Variants in ZSCAN2 observed in about 807,000 individuals in gnomAD.
ZSCAN2 encodes zinc finger and SCAN domain-containing protein 2.
Under a neutral mutation model 47.8 loss-of-function variants are expected in ZSCAN2, and 26 were observed. That is an observed-to-expected ratio of 0.54 (90% CI 0.40 to 0.75). ZSCAN2 has a LOEUF of 0.75. ZSCAN2 is among the 30% of genes least tolerant of loss of function. ZSCAN2 has a pLI of 0.00. For missense variants in ZSCAN2, 732 were observed against 785.4 expected (o/e 0.93, Z 0.81); for synonymous variants, 305 against 288.7 (o/e 1.06, Z -0.57).
At chr15:84,617,856 C>T (rs974119549) in intron 2 of ZSCAN2, among the ~76,000 whole-genome samples, 1 of 152,106 alleles carries the variant, frequency 6.6e-6, no homozygotes, top group Non-Finnish European at 1.5e-5. Flanking sequence ...GGGAGCGTCA[C>T]CTGAGCCCAG....
At chr15:84,620,579 T>G in intron 2 of ZSCAN2, 23 bp from the exon 3 acceptor site, 1 of 1,570,662 alleles carries the variant, frequency 6.4e-7, no homozygotes, top group South Asian at 1.1e-5. Flanking sequence ...GTAGACATTG[T>G]ATGTTTTTCT....
intron 2 of ZSCAN2, among the ~76,000 whole-genome samples, chr15:84,615,187 C>A (rs1043738415): frequency 8.5e-5 from 13 of 152,156 alleles, no homozygotes; most frequent in Non-Finnish European, 1.6e-4. Flanking sequence ...AACTGCTGAC[C>A]TTGTGATCCG....
intron 2 of ZSCAN2, among the ~76,000 whole-genome samples, chr15:84,619,330 T>C (rs1245507003): frequency 6.6e-6 from 1 of 151,458 alleles, no homozygotes; most frequent in Non-Finnish European, 1.5e-5. Context: ...CTCGGGAGGC[T>C]GAGGCAAGAG....
In ZSCAN2 at chr15:84,621,787, A is replaced by G. The variant is rs1204424455; in HGVS notation, c.1592A>G (p.Lys531Arg). Reference sequence around the variant, plus strand: ...ACCCACACGGGCGAGAAGCCCTACAAATGCCTCATGTGCGGCAAGAGCTTC... The same window carrying G: ...ACCCACACGGGCGAGAAGCCCTACAGATGCCTCATGTGCGGCAAGAGCTTC... ...QRTHTGEKPY[K>R]CLMCGKSFSR... Residue 531 changes from lysine to arginine, a missense_variant, in exon 3 of 3, where the codon AAA (lysine) becomes AGA (arginine). Coordinates refer to ENST00000546148, the MANE Select transcript of ZSCAN2 (RefSeq NM_181877.4). This position sits in a 1 kb window ranked among gnomAD's most constrained non-coding sequence, Gnocchi z 5.7. 1.2e-6 allele frequency: 2 copies of G among 1,614,194 alleles called. No individual in the cohort carries two copies. The highest frequency in any genetic ancestry group is 1.1e-5 in the South Asian group (1 of 91,080).
intron 2 of ZSCAN2, chr15:84,606,872 G>C: frequency 1.7e-6 from 2 of 1,155,386 alleles, no homozygotes; most frequent in Non-Finnish European, 2.1e-6. Context: ...TAAACGCCCC[G>C]ACCTTCCTCA....
intron 1 of ZSCAN2, among the ~76,000 whole-genome samples, chr15:84,603,093 A>G (rs1389294363): frequency 3.9e-5 from 6 of 152,204 alleles, no homozygotes; most frequent in Admixed American, 6.5e-5. Flanking sequence ...CCTTTCTTCC[A>G]AAGAAGCTCA....
chr15:84,619,590 G>A (rs189408756), intron 2 of ZSCAN2, among the ~76,000 whole-genome samples: 8 of 152,154 alleles, frequency 5.3e-5, no homozygotes, highest in South Asian at 2.1e-4. Context: ...AAAGTAATGC[G>A]GTCATAAACA....
chr15:84,603,347 G>A (rs1358126070), intron 1 of ZSCAN2, among the ~76,000 whole-genome samples: 1 of 150,066 alleles, frequency 6.7e-6, no homozygotes, highest in Non-Finnish European at 1.5e-5. Context: ...GAACAATGCT[G>A]TATTTTTTGT....
intron 2 of ZSCAN2, among the ~76,000 whole-genome samples, chr15:84,615,952 A>G (rs1426363238): frequency 4.6e-5 from 7 of 152,018 alleles, no homozygotes; most frequent in Admixed American, 4.6e-4. Context: ...AGTAATAGTA[A>G]TTCCTTGGGC....
chr15:84,601,121 C>CTG lies in ZSCAN2; in HGVS notation c.-122_-121dup, dbSNP rs1454195003. On this transcript the variant is annotated 5_prime_UTR_variant, in exon 1 of 3. Transcript: ENST00000546148. The stretch of plus-strand genomic sequence containing the variant: ...CGCGAAGCAACCGCTAGAGCAGGAC[C>CTG]TGGTCTCCCGAGAGGTGAGCCGGAG... 6.6e-6 allele frequency: 1 copy of CTG among 152,502 alleles called. No individual in the cohort carries two copies. Among genetic ancestry groups the CTG allele is most frequent in the African/African-American group, 2.4e-5 (1 of 41,474 alleles). The allele number at this position is 152,502 out of a possible 1,614,324, so 9.4% of individuals were successfully genotyped here.
chr15:84,601,720 T>G (rs768423516), intron 1 of ZSCAN2, among the ~76,000 whole-genome samples: 3 of 152,094 alleles, frequency 2.0e-5, no homozygotes, highest in Non-Finnish European at 2.9e-5. Context: ...AAAATTTTTT[T>G]ATTTTTGTAG....
At position 84,621,774 on chromosome 15, in the gene ZSCAN2, G is replaced by A. The variant is rs1448981145; in HGVS notation, c.1579G>A (p.Glu527Lys). The change falls in exon 3 of 3, where the codon GAG becomes AAG. Residue 527 changes from glutamate (E) to lysine (K), a missense_variant. Coordinates refer to ENST00000546148, the MANE Select transcript of ZSCAN2 (RefSeq NM_181877.4). The surrounding 1 kb of genome is among the most constrained non-coding windows in gnomAD (Gnocchi z 5.7). ...AGTGCACCAGCGGACCCACACGGGC[G>A]AGAAGCCCTACAAATGCCTCATGTG... ...LVVHQRTHTG[E>K]KPYKCLMCGK... 3.1e-6 allele frequency: 5 copies of A among 1,614,220 alleles called. No individual in the cohort carries two copies. The highest frequency in any genetic ancestry group is 2.2e-5 in the East Asian group (1 of 44,884).
Position 84,622,086 on chromosome 15 carries a change from C to A in ZSCAN2, c.*46C>A. The A allele has an allele frequency of 6.8e-7, 1 of 1,462,610 alleles. No homozygotes were observed. Among genetic ancestry groups the A allele is most frequent in the Non-Finnish European group, 9.3e-7 (1 of 1,071,994 alleles). The allele number at this position is 1,462,610 out of a possible 1,614,324, so 90.6% of individuals were successfully genotyped here. A position where few individuals can be genotyped will look rare whatever the true frequency, so the allele number is the denominator to read the frequency against. On this transcript the variant is annotated 3_prime_UTR_variant, in exon 3 of 3. Transcript: ENST00000546148. ...AGGGACTGGCCTGGAGTGGGAGTTG[C>A]CACACTGCCCCAACAGTGATTCCCT...
At chr15:84,612,470 C>T (rs1895576591) in intron 2 of ZSCAN2, among the ~76,000 whole-genome samples, 1 of 152,190 alleles carries the variant, frequency 6.6e-6, no homozygotes, top group Admixed American at 6.5e-5. Flanking sequence ...AGCGGTAGCT[C>T]ATGCCTGTAA....
chr15:84,616,124 C>G (rs1895686232), intron 2 of ZSCAN2, among the ~76,000 whole-genome samples: 1 of 152,076 alleles, frequency 6.6e-6, no homozygotes, highest in Non-Finnish European at 1.5e-5. Context: ...GTAATTCCAG[C>G]TTGTCAGGAG....
chr15:84,622,752 C>T lies in ZSCAN2; in HGVS notation c.*712C>T, dbSNP rs117370461. On this transcript the variant is annotated 3_prime_UTR_variant, in exon 3 of 3. Transcript: ENST00000546148. The stretch of plus-strand genomic sequence containing the variant: ...CAGGGCCTTCAGGAAAGGGGTAAAC[C>T]GAGGACATTTCAGTGCTTGCTTTTG... 61 of 708,498 alleles carry T rather than the reference C, an allele frequency of 8.6e-5. No individual in the cohort carries two copies. The highest frequency in any genetic ancestry group is 2.7e-4 in the Middle Eastern group (1 of 3,768). The allele number at this position is 708,498 out of a possible 1,614,324, so 43.9% of individuals were successfully genotyped here.
At chr15:84,606,733 C>G in intron 2 of ZSCAN2, 1 of 1,408,128 alleles carries the variant, frequency 7.1e-7, no homozygotes, top group South Asian at 1.6e-5. Flanking sequence ...CACCTTGCAG[C>G]AGGGGCTTTG....
rs747314208 is a variant in ZSCAN2 at position 84,604,272 on chromosome 15, T to C, written c.345T>C (p.Pro115=). ...AGGCTTGGCTGCAAGAGCATCGGCCTGAAAGCAGTGAGGAGGCAGCGGCCC... is the reference window on the plus strand; with the variant it reads ...AGGCTTGGCTGCAAGAGCATCGGCCCGAAAGCAGTGAGGAGGCAGCGGCCC... ...EIQAWLQEHR[P]ESSEEAAALV... is the part of the protein sequence containing the mutation. The change falls in exon 2 of 3, where the codon CCT becomes CCC. Residue 115 remains proline (P), a synonymous_variant. Coordinates refer to ENST00000546148, the MANE Select transcript of ZSCAN2 (RefSeq NM_181877.4). The C allele has an allele frequency of 2.5e-6, 4 of 1,614,064 alleles. No individual in the cohort carries two copies. Among genetic ancestry groups the C allele is most frequent in the Non-Finnish European group, 3.4e-6 (4 of 1,179,986 alleles).
At chr15:84,608,167 C>A (rs906745378) in intron 2 of ZSCAN2, among the ~76,000 whole-genome samples, 4 of 152,104 alleles carry the variant, frequency 2.6e-5, no homozygotes, top group African/African-American at 9.7e-5. Context: ...CCACCCTACT[C>A]CCTCTTCCTT....
Sources: gnomAD v4.1 joint callset for allele counts (sites outside exome capture counted in the v4.1 genomes callset) on GRCh38, gnomAD v4.1.1 for gene constraint, Gnocchi (gnomAD v3.1) non-coding constraint, MANE v1.5 for transcripts, NCBI Gene and HGNC (gene_info 2026-07-23, HGNC 2026-07-21) for gene names.